Variants in MAP3K20 observed in about 807,000 individuals in gnomAD.
The protein encoded by MAP3K20 is HCCS-4.
A neutral mutation model predicts 85.7 loss-of-function variants in MAP3K20; 40 were observed. That is an observed-to-expected ratio of 0.47 (90% CI 0.36 to 0.61). The LOEUF (loss-of-function observed/expected upper bound fraction) is 0.61. Among genes scored for constraint, MAP3K20 ranks in the 20% least tolerant of loss-of-function variants. The pLI, the probability that MAP3K20 is intolerant of heterozygous loss-of-function variation, is 0.00. For synonymous variants in MAP3K20, 325 were observed against 327.7 expected, an observed-to-expected ratio of 0.99 and a Z score of 0.09; for missense variants, 817 against 961.7, an observed-to-expected ratio of 0.85 and a Z score of 1.99.
At chr2:173,179,490 T>C (rs1690261351) in intron 3 of MAP3K20, among the ~76,000 whole-genome samples, 1 of 151,774 alleles carries the variant, frequency 6.6e-6, no homozygotes, top group South Asian at 2.1e-4. Flanking sequence ...AACCCACAGC[T>C]AATATCTTAT....
Position 173,222,594 on chromosome 2 carries a change from T to A in MAP3K20, c.987+5344T>A, listed in dbSNP as rs1050187372. Reference sequence around the variant, plus strand: ...CAAGTGGGGTATGTGTGGTGGTTTGTTTTTTAGAGGGGCATAATAATCCAG... The same window carrying A: ...CAAGTGGGGTATGTGTGGTGGTTTGATTTTTAGAGGGGCATAATAATCCAG... On this transcript the variant is annotated intron_variant, in intron 11 of 19. Coordinates refer to ENST00000375213, the MANE Select transcript of MAP3K20 (RefSeq NM_016653.3). 1.0e-5 allele frequency: 10 copies of A among 985,304 alleles called. No homozygotes were observed. In the African/African-American group the frequency reaches 1.7e-4, roughly 17 times the overall value. The allele number at this position is 985,304 out of a possible 1,614,324, so 61.0% of individuals were successfully genotyped here. A position where few individuals can be genotyped will look rare whatever the true frequency, so the allele number is the denominator to read the frequency against.
chr2:173,159,767 A>G (rs960700674), intron 2 of MAP3K20, among the ~76,000 whole-genome samples: 5 of 152,316 alleles, frequency 3.3e-5, no homozygotes, highest in Middle Eastern at 3.4e-3. Flanking sequence ...TGTGATTTGG[A>G]AATAGCTCTT....
intron 1 of MAP3K20, 95 bp from the exon 2 acceptor site, chr2:173,090,903 C>T (rs1574002934): frequency 7.2e-7 from 1 of 1,384,516 alleles, no homozygotes; most frequent in East Asian, 2.5e-5. Context: ...GGAAGTTTCA[C>T]AGGACTCGTT....
rs1053302333 is a variant in MAP3K20 at position 173,266,805 on chromosome 2, T to G, written c.*55T>G. The G allele has an allele frequency of 6.0e-6, 6 of 1,002,662 alleles. No individual in the cohort carries two copies. Among genetic ancestry groups the G allele is most frequent in the African/African-American group, 1.7e-5 (1 of 60,544 alleles). 62.1% of individuals were successfully genotyped at this position (1,002,662 alleles called of 1,614,324 possible). A position where few individuals can be genotyped will look rare whatever the true frequency, so the allele number is the denominator to read the frequency against. On this transcript the variant is annotated 3_prime_UTR_variant, in exon 20 of 20. Coordinates refer to ENST00000375213, the MANE Select transcript of MAP3K20 (RefSeq NM_016653.3). Reference sequence around the variant, plus strand: ...GGTTAAAAAAAAAAAAAAAAAGAAATGTAATGGTTTTTGATAATATGATCC... The same window carrying G: ...GGTTAAAAAAAAAAAAAAAAAGAAAGGTAATGGTTTTTGATAATATGATCC...
At chr2:173,227,446 T>C (rs1302364956) in intron 11 of MAP3K20, among the ~76,000 whole-genome samples, 1 of 152,158 alleles carries the variant, frequency 6.6e-6, no homozygotes, top group Non-Finnish European at 1.5e-5. Flanking sequence ...GATCATTAAC[T>C]CTTATCCCCC....
At chr2:173,222,046 T>G in intron 11 of MAP3K20, 1 of 964,282 alleles carries the variant, frequency 1.0e-6, no homozygotes, top group Non-Finnish European at 1.2e-6. Context: ...CTACTAATAA[T>G]TAAAAAACTA....
chr2:173,259,399 A>G (rs1377056599), intron 17 of MAP3K20, among the ~76,000 whole-genome samples: 2 of 152,250 alleles, frequency 1.3e-5, no homozygotes, highest in East Asian at 3.8e-4. Context: ...CTTGCTCCTC[A>G]AAATGGAAAA....
intron 2 of MAP3K20, among the ~76,000 whole-genome samples, chr2:173,121,480 G>A (rs997685530): frequency 2.6e-5 from 4 of 152,004 alleles, no homozygotes; most frequent in East Asian, 3.9e-4. Flanking sequence ...TCTGCCTCCC[G>A]GGTTCACGCC....
intron 16 of MAP3K20, among the ~76,000 whole-genome samples, chr2:173,256,008 C>T (rs976705723): frequency 2.6e-5 from 4 of 152,216 alleles, no homozygotes; most frequent in African/African-American, 4.8e-5. Context: ...TTATGTTAGC[C>T]AAGAACCAGG....
intron 16 of MAP3K20, among the ~76,000 whole-genome samples, chr2:173,247,857 A>C (rs1684955490): frequency 6.6e-6 from 1 of 152,192 alleles, no homozygotes; most frequent in Admixed American, 6.5e-5. Flanking sequence ...CATGAGGGTG[A>C]GAAAGTTTCC....
At chr2:173,082,155 C>T (rs1687031142) in intron 1 of MAP3K20, among the ~76,000 whole-genome samples, 1 of 152,096 alleles carries the variant, frequency 6.6e-6, no homozygotes, top group African/African-American at 2.4e-5. Flanking sequence ...GCATGAACCA[C>T]CACACCTGGC....
At chr2:173,181,932 T>G (rs1016028862) in intron 3 of MAP3K20, among the ~76,000 whole-genome samples, 4 of 149,764 alleles carry the variant, frequency 2.7e-5, no homozygotes, top group African/African-American at 9.8e-5. Context: ...GGTATGTGCC[T>G]GTAGTCCCAG....
chr2:173,121,665 T>G (rs563904962), intron 2 of MAP3K20, among the ~76,000 whole-genome samples: 18 of 151,964 alleles, frequency 1.2e-4, no homozygotes, highest in East Asian at 5.8e-4. Flanking sequence ...GGGATTACAG[T>G]CGTGAGCCAC....
chr2:173,239,259 T>C (rs1684724318), intron 15 of MAP3K20, 145 bp from the exon 16 acceptor site: 2 of 621,192 alleles, frequency 3.2e-6, no homozygotes, highest in East Asian at 5.8e-5. Flanking sequence ...TTGATGTAAT[T>C]AGAATTTGTA....
rs2289398 is a variant in MAP3K20 at position 173,209,625 on chromosome 2, T to G, written c.745-104T>G. 520,244 of 869,438 alleles carry G rather than the reference T, an allele frequency of 0.6. 161,694 individuals carry two copies. Among genetic ancestry groups the G allele is most frequent in the Non-Finnish European group, 0.66 (376,394 of 572,820 alleles). 53.9% of individuals were successfully genotyped at this position (869,438 alleles called of 1,614,324 possible). A position where few individuals can be genotyped will look rare whatever the true frequency, so the allele number is the denominator to read the frequency against. Reference sequence around the variant, plus strand: ...GACATTGTATCATGTTTTATTTTGTTATGGTGGGTTGAGTTTATTACTATG... The same window carrying G: ...GACATTGTATCATGTTTTATTTTGTGATGGTGGGTTGAGTTTATTACTATG... On this transcript the variant is annotated intron_variant, in intron 9 of 19. Transcript: ENST00000375213.
chr2:173,082,999 A>C (rs1184463259), intron 1 of MAP3K20, among the ~76,000 whole-genome samples: 1 of 152,246 alleles, frequency 6.6e-6, no homozygotes. Flanking sequence ...AAATTACTTT[A>C]ATTATTTCAA....
chr2:173,160,650 A>G (rs774821386), intron 2 of MAP3K20, among the ~76,000 whole-genome samples: 2 of 152,200 alleles, frequency 1.3e-5, no homozygotes, highest in African/African-American at 4.8e-5. Context: ...TGAAAGATCT[A>G]GCTGTTTTGA....
rs575985081 is a variant in MAP3K20 at position 173,185,307 on chromosome 2, T to A, written c.350-2251T>A. ...ACTGATGGTGTCCAAAACTGCAGAT[T>A]AATAAAATCCCTTTTGCCTGTCTGG... On this transcript the variant is annotated intron_variant, in intron 4 of 19. Transcript: ENST00000375213. 2.6e-5 allele frequency among the ~76,000 whole-genome samples: 4 copies of A among 152,272 alleles called. No homozygotes were observed. In the East Asian group the frequency reaches 7.7e-4, roughly 29 times the overall value.
chr2:173,107,461 G>A (rs1412400693), intron 2 of MAP3K20, among the ~76,000 whole-genome samples: 6 of 152,126 alleles, frequency 3.9e-5, no homozygotes, highest in Non-Finnish European at 8.8e-5. Context: ...AGCCGGAGCC[G>A]GTTGTCTTGT....
Sources: allele counts gnomAD v4.1 joint callset (sites outside exome capture counted in the v4.1 genomes callset), GRCh38; gene constraint gnomAD v4.1.1; transcripts MANE v1.5; gene names NCBI Gene and HGNC (gene_info 2026-07-23, HGNC 2026-07-21).